Variants in PRR5L observed in about 807,000 individuals in gnomAD.
PRR5L encodes proline-rich protein 5-like.
PRR5L carries 21 observed loss-of-function variants against 36.4 expected under a neutral mutation model. That is an observed-to-expected ratio of 0.58 (90% CI 0.41 to 0.83). The LOEUF is 0.83. Ranked by LOEUF, PRR5L falls within the 40% of genes least tolerant of loss-of-function variation. PRR5L has a pLI of 0.00. For missense variants in PRR5L, 381 were observed against 473.3 expected (o/e 0.80, Z 1.81); for synonymous variants, 188 against 197.0 (o/e 0.95, Z 0.38).
intron 6 of PRR5L, among the ~76,000 whole-genome samples, chr11:36,443,542 A>G (rs1858765439): frequency 6.6e-6 from 1 of 152,208 alleles, no homozygotes; most frequent in Non-Finnish European, 1.5e-5. Flanking sequence ...TCTTCTAGAA[A>G]ATAATAAAAC....
Position 36,463,268 on chromosome 11 carries a change from G to A in PRR5L, c.*532G>A, listed in dbSNP as rs1267219103. 6.6e-6 allele frequency: 1 copy of A among 152,308 alleles called. No individual in the cohort carries two copies. The highest frequency in any genetic ancestry group is 1.9e-4 in the East Asian group (1 of 5,182). The allele number at this position is 152,308 out of a possible 1,614,324, so 9.4% of individuals were successfully genotyped here. ...GAAGCCCCTACTCAGCAGGGCTCTG[G>A]GAATGTGCCTTCCTTATTTTAGTTT... On this transcript the variant is annotated 3_prime_UTR_variant, in exon 9 of 9. Transcript: ENST00000530639.
intron 1 of PRR5L, among the ~76,000 whole-genome samples, chr11:36,320,729 C>T (rs1856606896): frequency 6.6e-6 from 1 of 152,190 alleles, no homozygotes; most frequent in South Asian, 2.1e-4. Flanking sequence ...GATCAGGACT[C>T]AATCTTTGTT....
chr11:36,460,982 G>C (rs1859167106), intron 8 of PRR5L, among the ~76,000 whole-genome samples: 1 of 152,146 alleles, frequency 6.6e-6, no homozygotes. Context: ...CATCCTCCAG[G>C]CAAGTTTCCT....
intron 8 of PRR5L, among the ~76,000 whole-genome samples, chr11:36,456,740 C>T (rs1859065748): frequency 6.6e-6 from 1 of 152,246 alleles, no homozygotes; most frequent in South Asian, 2.1e-4. Context: ...TGGTACAGTA[C>T]CTAGCATATC....
chr11:36,404,931 G>A (rs1857878443), intron 3 of PRR5L, among the ~76,000 whole-genome samples: 1 of 152,198 alleles, frequency 6.6e-6, no homozygotes, highest in African/African-American at 2.4e-5. Context: ...CACACACGTT[G>A]CGAAGTTTCA....
At chr11:36,404,271 T>G (rs898636649) in intron 3 of PRR5L, among the ~76,000 whole-genome samples, 30 of 105,154 alleles carry the variant, frequency 2.9e-4, no homozygotes, top group Non-Finnish European at 4.2e-4. Context: ...ATCAGGTCTT[T>G]TTTTTTTTTT....
At chr11:36,402,989 T>C (rs4756310) in intron 2 of PRR5L, among the ~76,000 whole-genome samples, 34,764 of 152,174 alleles carry the variant, frequency 0.23, 5,796 homozygotes, top group African/African-American at 0.48. Context: ...ATCTCCCAGG[T>C]CCATGCAGTT....
intron 1 of PRR5L, among the ~76,000 whole-genome samples, chr11:36,305,409 T>G (rs1340131578): frequency 6.6e-6 from 1 of 152,172 alleles, no homozygotes; most frequent in Admixed American, 6.5e-5. Context: ...TGACTGTTAA[T>G]GGGTATGAAG....
At chr11:36,327,677 C>T (rs1856678605) in intron 1 of PRR5L, among the ~76,000 whole-genome samples, 1 of 152,166 alleles carries the variant, frequency 6.6e-6, no homozygotes, top group Admixed American at 6.5e-5. Flanking sequence ...AGCATAGTCA[C>T]CTATGAGAAT....
At chr11:36,376,018 C>G (rs530459961) in intron 1 of PRR5L, 5 of 498,320 alleles carry the variant, frequency 1.0e-5, no homozygotes, top group Admixed American at 5.5e-5. Context: ...GCAGCTGGGC[C>G]GGGGGCGGGG....
Position 36,462,815 on chromosome 11 carries a change from G to A in PRR5L, c.*79G>A. 1.5e-6 allele frequency: 2 copies of A among 1,354,462 alleles called. No homozygotes were observed. Among genetic ancestry groups the A allele is most frequent in the Non-Finnish European group, 2.0e-6 (2 of 1,005,290 alleles). The allele number at this position is 1,354,462 out of a possible 1,614,324, so 83.9% of individuals were successfully genotyped here. A position where few individuals can be genotyped will look rare whatever the true frequency, so the allele number is the denominator to read the frequency against. On this transcript the variant is annotated 3_prime_UTR_variant, in exon 9 of 9. Coordinates refer to ENST00000530639, the MANE Select transcript of PRR5L (RefSeq NM_001160167.2). ...CTCCATCTCCGTGGATTACTGAGGG[G>A]GGCTCTTGCTTTATGCGATGCTGCC...
At chr11:36,458,184 G>T (rs1416496364) in intron 8 of PRR5L, among the ~76,000 whole-genome samples, 1 of 152,152 alleles carries the variant, frequency 6.6e-6, no homozygotes, top group Non-Finnish European at 1.5e-5. Context: ...GCATCTGCTG[G>T]GGGGCAGTGT....
intron 1 of PRR5L, among the ~76,000 whole-genome samples, chr11:36,397,956 C>T (rs190489009): frequency 5.3e-5 from 8 of 152,060 alleles, no homozygotes; most frequent in East Asian, 1.9e-4. Flanking sequence ...CCCCCATGCC[C>T]GGCTCATTTT....
chr11:36,403,468 T>TG, intron 3 of PRR5L, 90 bp downstream of exon 3: 2 of 934,656 alleles, frequency 2.1e-6, no homozygotes, highest in East Asian at 2.5e-5. Flanking sequence ...TAAGGGTTTT[T>TG]TTTTTTTTTT....
Position 36,446,284 on chromosome 11 carries a change from C to G in PRR5L, c.445-16C>G. 1 of 1,612,654 alleles carries G rather than the reference C, an allele frequency of 6.2e-7. No individual in the cohort carries two copies. Among genetic ancestry groups the G allele is most frequent in the South Asian group, 1.1e-5 (1 of 91,056 alleles). ...AAGCTCTCACCTCCCGGCCCTCTCT[C>G]CTCTGTCCCCTCTAGGGCCAGGAGC... On this transcript the variant is annotated splice_polypyrimidine_tract_variant and intron_variant, in intron 6 of 8. Transcript: ENST00000530639.
intron 1 of PRR5L, among the ~76,000 whole-genome samples, chr11:36,397,735 G>A (rs1289174994): frequency 6.6e-6 from 1 of 151,776 alleles, no homozygotes; most frequent in East Asian, 1.9e-4. Context: ...GTGAGTGACT[G>A]TGCCTGGCCT....
intron 8 of PRR5L, chr11:36,454,741 C>G (rs1051751063): frequency 6.6e-6 from 1 of 152,474 alleles, no homozygotes; most frequent in African/African-American, 2.4e-5. Context: ...GCACTGCACC[C>G]ACGCGCCCGC....
chr11:36,304,339 T>C (rs1052874546), intron 1 of PRR5L, among the ~76,000 whole-genome samples: 2 of 152,258 alleles, frequency 1.3e-5, no homozygotes, highest in Admixed American at 6.5e-5. Flanking sequence ...TGTTTGAAGG[T>C]TGGCAATACA....
intron 1 of PRR5L, among the ~76,000 whole-genome samples, chr11:36,372,976 T>TTGTGTGTGTGTGTG (rs36076560): frequency 4.8e-4 from 70 of 146,758 alleles, no homozygotes; most frequent in African/African-American, 1.7e-3. Flanking sequence ...TGCCTAATAG[T>TTGTGTGTGTGTGTG]TGTGTGTGTG....
Sources: allele counts gnomAD v4.1 joint callset (sites outside exome capture counted in the v4.1 genomes callset), GRCh38; gene constraint gnomAD v4.1.1; transcripts MANE v1.5; gene names NCBI Gene and HGNC (gene_info 2026-07-23, HGNC 2026-07-21).